GRIN3A: variants seen among roughly 807,000 people sequenced by gnomAD.
GRIN3A encodes the protein glutamate receptor ionotropic, NMDA 3A.
GRIN3A carries 47 observed loss-of-function variants against 92.4 expected under a neutral mutation model. The observed-to-expected ratio is 0.51, with a 90% CI of 0.40 to 0.65. The LOEUF (loss-of-function observed/expected upper bound fraction) is 0.65. Ranked by LOEUF, GRIN3A falls within the 30% of genes least tolerant of loss-of-function variation. The pLI is 0.00. For synonymous variants in GRIN3A, 527 were observed against 540.6 expected (o/e 0.97, Z 0.35); for missense variants, 1,324 against 1,393.1 (o/e 0.95, Z 0.79).
chr9:101,705,348 G>C (rs1370449155), intron 1 of GRIN3A, among the ~76,000 whole-genome samples: 1 of 152,078 alleles, frequency 6.6e-6, no homozygotes, highest in African/African-American at 2.4e-5. Flanking sequence ...GAACCAAGCC[G>C]ACCGCCAAGA....
At chr9:101,665,859 C>T (rs1050003761) in intron 3 of GRIN3A, among the ~76,000 whole-genome samples, 11 of 151,948 alleles carry the variant, frequency 7.2e-5, no homozygotes, top group African/African-American at 2.7e-4. Flanking sequence ...ATTACTTTTG[C>T]ACCAACTTAA....
At chr9:101,624,190 T>A (rs2118871666) in intron 4 of GRIN3A, among the ~76,000 whole-genome samples, 1 of 152,276 alleles carries the variant, frequency 6.6e-6, no homozygotes, top group Non-Finnish European at 1.5e-5. Flanking sequence ...GGAAATGGAC[T>A]ATCATTCCTT....
intron 4 of GRIN3A, among the ~76,000 whole-genome samples, chr9:101,626,103 A>G (rs1263875786): frequency 6.6e-6 from 1 of 152,186 alleles, no homozygotes; most frequent in Non-Finnish European, 1.5e-5. Context: ...GGATCCAGTT[A>G]CAAGTAGCTT....
In GRIN3A at chr9:101,738,614, C is replaced by A. The variant is rs1441658442; in HGVS notation, c.-635G>T. 6.5e-6 allele frequency: 1 copy of A among 153,434 alleles called. No individual in the cohort carries two copies. The highest frequency in any genetic ancestry group is 1.4e-5 in the Non-Finnish European group (1 of 69,046). The allele number at this position is 153,434 out of a possible 1,614,324, so 9.5% of individuals were successfully genotyped here. A position where few individuals can be genotyped will look rare whatever the true frequency, so the allele number is the denominator to read the frequency against. On this transcript the variant is annotated 5_prime_UTR_variant, in exon 1 of 9. Coordinates refer to ENST00000361820, the MANE Select transcript of GRIN3A (RefSeq NM_133445.3). ...TCGTTATTTTTCCACCGAGTCGCCA[C>A]CGCCGCTTGCTTCCTCGGAGGAGCA...
In GRIN3A at chr9:101,670,280, C is replaced by T; in HGVS notation, c.2132G>A (p.Ser711Asn). The change falls in exon 3 of 9, where the codon AGT becomes AAT. Residue 711 changes from serine to asparagine, a missense_variant. By Grantham distance (46) the Ser-to-Asn change is conservative. Coordinates refer to ENST00000361820, the MANE Select transcript of GRIN3A (RefSeq NM_133445.3). Reference protein sequence around the residue: ...FGLTPKGRNRSKVFSFSSALN... With the variant: ...FGLTPKGRNRNKVFSFSSALN... ...GGCTGAAGAAAAGGAGAAGACTTTA[C>T]TTCTATTTCGCCCCTTGGGAGTCAA... The T allele has an allele frequency of 6.8e-6, 11 of 1,614,050 alleles. No homozygotes were observed. Among genetic ancestry groups the T allele is most frequent in the Non-Finnish European group, 8.5e-6 (10 of 1,179,960 alleles).
Position 101,737,932 on chromosome 9 carries a change from C to G in GRIN3A, c.48G>C (p.Leu16=). Residue 16 remains leucine, a synonymous_variant, in exon 1 of 9, where the codon CTG becomes CTC. Coordinates refer to ENST00000361820, the MANE Select transcript of GRIN3A (RefSeq NM_133445.3). Reference sequence around the variant, plus strand: ...GCACCAGTGCGCAGGGCGGCGGCAACAGCAGACAGACCCTGCTCAGCAGCC... The same window carrying G: ...GCACCAGTGCGCAGGGCGGCGGCAAGAGCAGACAGACCCTGCTCAGCAGCC... The part of the protein sequence containing the change: ...LWWLLSRVCL[L]LPPPCALVLA... 1 of 1,537,852 alleles carries G rather than the reference C, an allele frequency of 6.5e-7. No individual in the cohort carries two copies. The highest frequency in any genetic ancestry group is 8.7e-7 in the Non-Finnish European group (1 of 1,148,468).
chr9:101,730,505 G>A (rs1830125301), intron 1 of GRIN3A, among the ~76,000 whole-genome samples: 1 of 152,024 alleles, frequency 6.6e-6, no homozygotes, highest in Non-Finnish European at 1.5e-5. Flanking sequence ...ATTGAAACAT[G>A]GAGACATCAG....
chr9:101,685,504 C>G (rs1431936506), intron 2 of GRIN3A, among the ~76,000 whole-genome samples: 3 of 151,824 alleles, frequency 2.0e-5, no homozygotes, highest in African/African-American at 7.3e-5. Context: ...TCTGACTTGG[C>G]CTCTCTGACT....
chr9:101,628,461 A>AT (rs932103472), intron 3 of GRIN3A, 60 bp from the exon 4 acceptor site: 5 of 1,518,376 alleles, frequency 3.3e-6, no homozygotes, highest in East Asian at 4.7e-5. Context: ...GTTTTTTAAC[A>AT]TTTTTTTCAT....
chr9:101,686,926 A>G lies in GRIN3A; in HGVS notation c.974T>C (p.Val325Ala), dbSNP rs763837616. ...LESIKNSTPT[V>A]VMFGCDMESI... is the part of the protein sequence containing the mutation. ...TTCCATGTCGCAGCCAAACATCACCACTGTGGGTGTGCTGTTCTTAATACT... is the reference window on the plus strand; with the variant it reads ...TTCCATGTCGCAGCCAAACATCACCGCTGTGGGTGTGCTGTTCTTAATACT... Residue 325 changes from valine to alanine, a missense_variant, in exon 2 of 9, where the codon GTG becomes GCG. Physicochemically the swap from Val to Ala is moderately conservative, Grantham distance 64. Coordinates refer to ENST00000361820, the MANE Select transcript of GRIN3A (RefSeq NM_133445.3). 3.1e-6 allele frequency: 5 copies of G among 1,613,978 alleles called. No homozygotes were observed. Among genetic ancestry groups the G allele is most frequent in the African/African-American group, 2.7e-5 (2 of 74,894 alleles).
chr9:101,648,919 T>G lies in GRIN3A; in HGVS notation c.2353-20518A>C, dbSNP rs549757457. Among the ~76,000 whole-genome samples, 4 of 152,158 alleles carry G rather than the reference T, an allele frequency of 2.6e-5. No individual in the cohort carries two copies. In the East Asian group the frequency reaches 7.8e-4, roughly 30 times the overall value. On this transcript the variant is annotated intron_variant, in intron 3 of 8. Coordinates refer to ENST00000361820, the MANE Select transcript of GRIN3A (RefSeq NM_133445.3). The stretch of plus-strand genomic sequence containing the variant: ...ACTGGACTGTTTTTTTTTCCCATTA[T>G]GGGAAGAACTTATAGTGAGCACTGG...
chr9:101,632,074 CT>C (rs1417690095), intron 3 of GRIN3A, among the ~76,000 whole-genome samples: 1 of 152,232 alleles, frequency 6.6e-6, no homozygotes, highest in East Asian at 1.9e-4. Flanking sequence ...TGCTCTCCCC[CT>C]GGCCTTCCAA....
chr9:101,693,994 T>C lies in GRIN3A; in HGVS notation c.700-6794A>G, dbSNP rs1829651470. Reference sequence around the variant, plus strand: ...GCACATATCTCTCAGGATTTTTGAGTGGCTGATATATTAAAGAATATATAA... The same window carrying C: ...GCACATATCTCTCAGGATTTTTGAGCGGCTGATATATTAAAGAATATATAA... On this transcript the variant is annotated intron_variant, in intron 1 of 8. Transcript: ENST00000361820. Among the ~76,000 whole-genome samples the C allele has an allele frequency of 2.0e-5, 3 of 152,138 alleles. No individual in the cohort carries two copies. The South Asian group carries it at 6.2e-4, about 32-fold the overall frequency.
In GRIN3A at chr9:101,718,671, A is replaced by G. The variant is rs1564151765; in HGVS notation, c.699+18610T>C. 2.0e-5 allele frequency among the ~76,000 whole-genome samples: 3 copies of G among 152,200 alleles called. No homozygotes were observed. In the South Asian group the frequency reaches 6.2e-4, roughly 32 times the overall value. ...TAATATAACACTGAATCACATAGTG[A>G]GAAACTTAATTCCTTTTCAATTAGC... On this transcript the variant is annotated intron_variant, in intron 1 of 8. Transcript: ENST00000361820.
chr9:101,569,772 T>C lies in GRIN3A; in HGVS notation c.*3402A>G, dbSNP rs1827734715. 6.6e-6 allele frequency: 1 copy of C among 152,162 alleles called. No homozygotes were observed. Among genetic ancestry groups the C allele is most frequent in the Admixed American group, 6.5e-5 (1 of 15,276 alleles). 9.4% of individuals were successfully genotyped at this position (152,162 alleles called of 1,614,324 possible). A position where few individuals can be genotyped will look rare whatever the true frequency, so the allele number is the denominator to read the frequency against. On this transcript the variant is annotated 3_prime_UTR_variant, in exon 9 of 9. Coordinates refer to ENST00000361820, the MANE Select transcript of GRIN3A (RefSeq NM_133445.3). ...GGTTTTCTGTTTTTCCTATCAAAAA[T>C]ATGAGTTGGGAGAAAAAGAGGCTCT...
At chr9:101,645,851 TG>T (rs1422826442) in intron 3 of GRIN3A, among the ~76,000 whole-genome samples, 1 of 151,540 alleles carries the variant, frequency 6.6e-6, no homozygotes, top group Non-Finnish European at 1.5e-5. Flanking sequence ...ATATACCTGT[TG>T]GCCATTTCTA....
intron 1 of GRIN3A, among the ~76,000 whole-genome samples, chr9:101,689,457 G>C (rs1205370481): frequency 3.3e-5 from 5 of 152,156 alleles, no homozygotes; most frequent in Admixed American, 2.6e-4. Context: ...AGGCATGAGA[G>C]AGAGAGACAT....
intron 1 of GRIN3A, among the ~76,000 whole-genome samples, chr9:101,707,212 G>T (rs1194210737): frequency 2.0e-5 from 3 of 152,140 alleles, no homozygotes; most frequent in Non-Finnish European, 2.9e-5. Context: ...TAGTCTGTAA[G>T]TAGCCCCAGG....
At chr9:101,683,869 A>C (rs1032573104) in intron 2 of GRIN3A, among the ~76,000 whole-genome samples, 14 of 151,958 alleles carry the variant, frequency 9.2e-5, no homozygotes, top group African/African-American at 3.4e-4. Context: ...AGAGAGAGAG[A>C]GAGAGAGAGA....
Sources: gnomAD v4.1 joint callset for allele counts (sites outside exome capture counted in the v4.1 genomes callset) on GRCh38, gnomAD v4.1.1 for gene constraint, MANE v1.5 for transcripts, NCBI Gene and HGNC (gene_info 2026-07-23, HGNC 2026-07-21) for gene names.